MYO15A: variants seen among roughly 807,000 people sequenced by gnomAD.
The protein encoded by MYO15A is unconventional myosin-XV.
MYO15A carries 308 observed loss-of-function variants against 394.6 expected under a neutral mutation model. That is an observed-to-expected ratio of 0.78 (90% CI 0.71 to 0.86). The LOEUF (loss-of-function observed/expected upper bound fraction) is 0.86, where lower values mean the gene tolerates loss of function less well. Among genes scored for constraint, MYO15A ranks in the 40% least tolerant of loss-of-function variants. The pLI is 0.00. For missense variants in MYO15A, 4,606 were observed against 4,799.1 expected (o/e 0.96, Z 1.19); for synonymous variants, 1,957 against 2,003.8 (o/e 0.98, Z 0.62).
chr17:18,120,003 C>T lies in MYO15A; in HGVS notation c.1203C>T (p.Tyr401=). The change falls in exon 2 of 66, where the codon TAC becomes TAT. Residue 401 remains tyrosine, a synonymous_variant. Transcript: ENST00000647165. ...AIYPPEVPYF[Y]PEESASAFVY... ...ACCCCCCCGAGGTGCCCTATTTTTA[C>T]CCGGAGGAGTCGGCTTCGGCCTTTG... is the stretch of plus-strand genomic sequence containing the variant. The T allele has an allele frequency of 6.2e-7, 1 of 1,613,692 alleles. No homozygotes were observed. Among genetic ancestry groups the T allele is most frequent in the Non-Finnish European group, 8.5e-7 (1 of 1,180,008 alleles).
rs1395158442 is a variant in MYO15A at position 18,157,192 on chromosome 17, T to G, written c.8750T>G (p.Val2917Gly). 6.2e-7 allele frequency: 1 copy of G among 1,610,582 alleles called. No individual in the cohort carries two copies. Among genetic ancestry groups the G allele is most frequent in the Non-Finnish European group, 8.5e-7 (1 of 1,178,476 alleles). ...SAGCVVRRKV[V>G]YLEELRRRGP... ...GGCTGCGTGGTTCGCAGGAAGGTGG[T>G]GTACCTGGAGGAGCTGCGACGTAGA... The change falls in exon 50 of 66, where the codon GTG becomes GGG. Residue 2917 changes from valine (V) to glycine (G), a missense_variant. Val to Gly is a moderately radical substitution (Grantham distance 109). Transcript: ENST00000647165.
chr17:18,144,577 G>A lies in MYO15A; in HGVS notation c.6258G>A (p.Val2086=), dbSNP rs1158094713. 3.1e-6 allele frequency: 5 copies of A among 1,612,680 alleles called. No homozygotes were observed. In the South Asian group the frequency reaches 4.4e-5, roughly 14 times the overall value. Residue 2086 remains valine (V), a synonymous_variant, in exon 29 of 66, where the codon GTG becomes GTA. Coordinates refer to ENST00000647165, the MANE Select transcript of MYO15A (RefSeq NM_016239.4). ...QLPAEHHAEA[V]SIFKLILRFM... ...CAGCCGAGCACCATGCAGAAGCCGTGAGCATCTTCAAGCTGGTATGGGGTC... is the reference window on the plus strand; with the variant it reads ...CAGCCGAGCACCATGCAGAAGCCGTAAGCATCTTCAAGCTGGTATGGGGTC...
chr17:18,156,052 C>T (rs1477822927), intron 47 of MYO15A, 143 bp from the exon 48 acceptor site: 1 of 1,298,944 alleles, frequency 7.7e-7, no homozygotes, highest in African/African-American at 1.5e-5. Context: ...AAGCAGGAAG[C>T]TTAGGGTTCT....
At chr17:18,158,813 A>T (rs774009037) in intron 52 of MYO15A, 112 bp from the exon 53 acceptor site, 2 of 1,406,954 alleles carry the variant, frequency 1.4e-6, no homozygotes, top group Admixed American at 1.7e-5. Flanking sequence ...TGACCGGTAG[A>T]CTGATCAGTG....
At chr17:18,126,307 G>A in intron 4 of MYO15A, 40 bp from the exon 5 acceptor site, 1 of 1,550,160 alleles carries the variant, frequency 6.5e-7, no homozygotes, top group Non-Finnish European at 8.9e-7. Flanking sequence ...ATAGAGGTCT[G>A]CAAGGAGCCA....
At position 18,117,211 on chromosome 17, in the gene MYO15A, T is replaced by C. The variant is rs907660903; in HGVS notation, c.-219-1371T>C. The stretch of plus-strand genomic sequence containing the variant: ...TGGCTGGGCACTGACTGGCTCCAGG[T>C]GAATCTTGGGGAGGAGGAGCAGGAA... On this transcript the variant is annotated intron_variant, in intron 1 of 65. Transcript: ENST00000647165. This position sits in a 1 kb window ranked among gnomAD's most constrained non-coding sequence, Gnocchi z 4.1. 2.0e-5 allele frequency among the ~76,000 whole-genome samples: 3 copies of C among 151,770 alleles called. No individual in the cohort carries two copies. Among genetic ancestry groups the C allele is most frequent in the African/African-American group, 7.3e-5 (3 of 41,272 alleles).
At position 18,179,333 on chromosome 17, in the gene MYO15A, A is replaced by C. The variant is rs541506545; in HGVS notation, c.*463A>C. ...CTAAGGGGCCCCTCCTTGTGCTGCC[A>C]GTCAGCCTGGATTTCTGGTCTTTGG... On this transcript the variant is annotated 3_prime_UTR_variant, in exon 66 of 66. Coordinates refer to ENST00000647165, the MANE Select transcript of MYO15A (RefSeq NM_016239.4). The C allele has an allele frequency of 5.1e-6, 1 of 194,938 alleles. No homozygotes were observed. Among genetic ancestry groups the C allele is most frequent in the East Asian group, 1.2e-4 (1 of 8,060 alleles). The allele number at this position is 194,938 out of a possible 1,614,324, so 12.1% of individuals were successfully genotyped here.
chr17:18,166,595 C>T (rs1335194115), intron 61 of MYO15A, 74 bp downstream of exon 61: 2 of 1,580,094 alleles, frequency 1.3e-6, no homozygotes, highest in East Asian at 4.5e-5. Flanking sequence ...GACTCCACAG[C>T]CTTGGTGTTT....
At position 18,119,958 on chromosome 17, in the gene MYO15A, C is replaced by T. The variant is rs186829587; in HGVS notation, c.1158C>T (p.Gly386=). 5.8e-4 allele frequency: 929 copies of T among 1,613,678 alleles called. 6 individuals carry two copies. The African/African-American group carries it at 0.011, about 18-fold the overall frequency. The part of the protein sequence containing the change: ...YTVPYAEGVY[G]GGDEAIYPPE... ...TCCCCTATGCCGAAGGCGTCTATGG[C>T]GGTGGGGACGAGGCCATCTACCCCC... Residue 386 remains glycine (G), a synonymous_variant, in exon 2 of 66, where the codon GGC becomes GGT. Coordinates refer to ENST00000647165, the MANE Select transcript of MYO15A (RefSeq NM_016239.4).
intron 5 of MYO15A, 130 bp downstream of exon 5, chr17:18,126,586 C>A: frequency 9.4e-7 from 1 of 1,066,728 alleles, no homozygotes; most frequent in Non-Finnish European, 1.4e-6. Context: ...CCTACTCAAT[C>A]TGACAGTCTC....
intron 64 of MYO15A, 100 bp from the exon 65 acceptor site, chr17:18,173,681 T>C: frequency 6.5e-7 from 1 of 1,526,824 alleles, no homozygotes; most frequent in South Asian, 1.1e-5. Flanking sequence ...CTGGAGTGAG[T>C]CTCCTGCCTC....
chr17:18,115,921 A>G (rs2045777883), intron 1 of MYO15A, among the ~76,000 whole-genome samples: 1 of 152,070 alleles, frequency 6.6e-6, no homozygotes, highest in Non-Finnish European at 1.5e-5. Flanking sequence ...TGTCCCTTCC[A>G]CGGCACTTAC....
intron 52 of MYO15A, 68 bp downstream of exon 52, chr17:18,158,706 G>A: frequency 6.4e-7 from 1 of 1,565,808 alleles, no homozygotes. Flanking sequence ...CATCCAAACT[G>A]CAGGCTGTCA....
chr17:18,136,629 G>A lies in MYO15A; in HGVS notation c.4722G>A (p.Leu1574=), dbSNP rs764973511. Reference sequence around the variant, plus strand: ...GGCTCATCACCAGGGTCAACGCGCTGGTGTCCCCAAGGCAGGACACACTGT... The same window carrying A: ...GGCTCATCACCAGGGTCAACGCGCTAGTGTCCCCAAGGCAGGACACACTGT... ...FSWLITRVNA[L]VSPRQDTLSI... The change falls in exon 15 of 66, where the codon CTG becomes CTA. Residue 1574 remains leucine, a synonymous_variant. Coordinates refer to ENST00000647165, the MANE Select transcript of MYO15A (RefSeq NM_016239.4). The A allele has an allele frequency of 6.2e-5, 100 of 1,613,476 alleles. No individual in the cohort carries two copies. Among genetic ancestry groups the A allele is most frequent in the Non-Finnish European group, 7.5e-5 (88 of 1,180,002 alleles).
At chr17:18,163,939 C>A in intron 60 of MYO15A, 101 bp downstream of exon 60, 1 of 1,208,924 alleles carries the variant, frequency 8.3e-7, no homozygotes, top group South Asian at 1.3e-5. Flanking sequence ...AGTCAGGTGC[C>A]ACTTCCTCCA....
chr17:18,119,463 G>A lies in MYO15A; in HGVS notation c.663G>A (p.Lys221=). ...EAPFHHSGSR[K]SLYGLEGFQD... ...CATTCCATCACTCGGGCTCCCGCAA[G>A]TCGCTGTACGGGCTTGAGGGCTTCC... is the stretch of plus-strand genomic sequence containing the variant. Residue 221 remains lysine, a synonymous_variant, in exon 2 of 66, where the codon AAG becomes AAA. Transcript: ENST00000647165. The A allele has an allele frequency of 1.2e-6, 2 of 1,612,720 alleles. No individual in the cohort carries two copies. Among genetic ancestry groups the A allele is most frequent in the South Asian group, 2.2e-5 (2 of 91,084 alleles).
chr17:18,126,689 G>A, intron 5 of MYO15A, 102 bp from the exon 6 acceptor site: 1 of 1,368,620 alleles, frequency 7.3e-7, no homozygotes, highest in Non-Finnish European at 1.0e-6. Context: ...TGAGGGGTGG[G>A]CAGGATTGGC....
At chr17:18,138,994 G>A in intron 18 of MYO15A, 58 bp downstream of exon 18, 1 of 1,580,350 alleles carries the variant, frequency 6.3e-7, no homozygotes, top group Non-Finnish European at 8.6e-7. Flanking sequence ...AGCTGTTGGA[G>A]ACACAGAAGC....
In MYO15A at chr17:18,124,566, G is replaced by A. The variant is rs2045997751; in HGVS notation, c.3692+1G>A. On this transcript the variant is annotated splice_donor_variant, in intron 3 of 65. Transcript: ENST00000647165. LOFTEE classifies it high-confidence loss of function. ...GTGTGGAGGACATGACACAGCTGGA[G>A]TGAGTGGGCAGGGCCGGCGGGGTCA... The A allele has an allele frequency of 1.2e-6, 2 of 1,613,094 alleles. No individual in the cohort carries two copies. The highest frequency in any genetic ancestry group is 1.7e-6 in the Non-Finnish European group (2 of 1,179,938).
Sources: allele counts gnomAD v4.1 joint callset (sites outside exome capture counted in the v4.1 genomes callset), GRCh38; gene constraint gnomAD v4.1.1; non-coding constraint Gnocchi (gnomAD v3.1); transcripts MANE v1.5; gene names NCBI Gene and HGNC (gene_info 2026-07-23, HGNC 2026-07-21).